Variants in LDHAL6A observed in about 807,000 individuals in gnomAD.
LDHAL6A encodes the protein L-lactate dehydrogenase A-like 6A.
In LDHAL6A, 19 loss-of-function variants were observed where a neutral mutation model predicts 28.2. That is an observed-to-expected ratio of 0.67 (90% CI 0.47 to 0.99). The LOEUF is 0.99. Ranked by LOEUF, LDHAL6A falls within the 50% of genes least tolerant of loss-of-function variation. LDHAL6A has a pLI of 0.00. For synonymous variants in LDHAL6A, 144 were observed against 134.4 expected (o/e 1.07, Z -0.49); for missense variants, 372 against 398.6 (o/e 0.93, Z 0.57).
At chr11:18,463,548 G>T (rs983037394) in intron 1 of LDHAL6A, among the ~76,000 whole-genome samples, 6 of 152,182 alleles carry the variant, frequency 3.9e-5, no homozygotes. Context: ...GAGCTCCTCT[G>T]TGCCAGGTGG....
chr11:18,465,575 A>G, intron 2 of LDHAL6A, 62 bp from the exon 3 acceptor site: 1 of 1,378,678 alleles, frequency 7.3e-7, no homozygotes, highest in South Asian at 1.3e-5. Flanking sequence ...GTGAACAGGA[A>G]GTATACTTAA....
chr11:18,475,240 C>A (rs985297409), intron 3 of LDHAL6A: 43 of 413,702 alleles, frequency 1.0e-4, no homozygotes, highest in African/African-American at 6.1e-4. Flanking sequence ...AGTGAACATT[C>A]TGTGTTTCTG....
Position 18,460,039 on chromosome 11 carries a change from T to A in LDHAL6A, c.126+3233T>A, listed in dbSNP as rs563977623. ...TTGATGTTGACCTCAGTTACCTGGC[T>A]GCTTGTAATGCAGCTTAGACTTCTA... On this transcript the variant is annotated intron_variant, in intron 1 of 6. Transcript: ENST00000280706. Among the ~76,000 whole-genome samples, 277 of 152,350 alleles carry A rather than the reference T, an allele frequency of 1.8e-3. 1 individual carries two copies. Among genetic ancestry groups the A allele is most frequent in the African/African-American group, 6.4e-3 (268 of 41,588 alleles).
intron 2 of LDHAL6A, among the ~76,000 whole-genome samples, chr11:18,464,987 G>GTTTTTTTTTTT (rs1449560278): frequency 4.8e-5 from 5 of 104,352 alleles, no homozygotes; most frequent in South Asian, 6.2e-4. Context: ...GTTTTTTTTT[G>GTTTTTTTTTTT]TTTTGTTTTG....
rs1376526205 is a variant in LDHAL6A, at chr11:18,467,945, A to G, written c.418+2135A>G. Among the ~76,000 whole-genome samples, 3 of 38,532 alleles carry G rather than the reference A, an allele frequency of 7.8e-5. 1 individual carries two copies. Among genetic ancestry groups the G allele is most frequent in the Admixed American group, 7.0e-4 (2 of 2,844 alleles). 25.3% of individuals were successfully genotyped at this position (38,532 alleles called of 152,430 possible). On this transcript the variant is annotated intron_variant, in intron 3 of 6. Transcript: ENST00000280706. ...CACACACATATATATATACACACAC[A>G]TATATATATACGTATATATATACGT... is the stretch of plus-strand genomic sequence containing the variant.
At chr11:18,464,107 A>G (rs1434882686) in intron 2 of LDHAL6A, 29 bp downstream of exon 2, 2 of 1,340,030 alleles carry the variant, frequency 1.5e-6, no homozygotes. Context: ...TACTATAAAT[A>G]TTCTAATATA....
At chr11:18,470,129 A>G (rs1312816960) in intron 3 of LDHAL6A, among the ~76,000 whole-genome samples, 1 of 152,200 alleles carries the variant, frequency 6.6e-6, no homozygotes, top group African/African-American at 2.4e-5. Context: ...GGGTTTTACC[A>G]TGTTAGGCTG....
chr11:18,477,469 AAAG>A, intron 5 of LDHAL6A, 148 bp from the exon 6 acceptor site: 1 of 665,614 alleles, frequency 1.5e-6, no homozygotes. Flanking sequence ...AAAAAAGAAG[AAAG>A]AAAAAATGCA....
intron 1 of LDHAL6A, among the ~76,000 whole-genome samples, chr11:18,457,663 A>C (rs1203993000): frequency 1.3e-5 from 2 of 152,090 alleles, no homozygotes; most frequent in African/African-American, 4.8e-5. Context: ...CAGTGTCCTC[A>C]CTGCTAATGA....
intron 2 of LDHAL6A, among the ~76,000 whole-genome samples, chr11:18,464,997 G>GTTTTTTTTTTTTTTTT (rs1297634223): frequency 1.6e-5 from 2 of 122,936 alleles, no homozygotes; most frequent in African/African-American, 3.2e-5. Flanking sequence ...GTTTTGTTTT[G>GTTTTTTTTTTTTTTTT]TTTTGGTTTG....
rs1849054410 is a variant in LDHAL6A at position 18,465,738 on chromosome 11, A to G, written c.346A>G (p.Ile116Val). Reference protein sequence around the residue: ...RLDLVQRNVSIFKLMIPNITQ... With the variant: ...RLDLVQRNVSVFKLMIPNITQ... ...TGATTTAGTCCAGCGAAATGTATCC[A>G]TCTTTAAATTAATGATTCCCAATAT... The change falls in exon 3 of 7, where the codon ATC (isoleucine) becomes GTC (valine). Residue 116 changes from isoleucine to valine, a missense_variant. Physicochemically the swap from Ile to Val is conservative, Grantham distance 29. Coordinates refer to ENST00000280706, the MANE Select transcript of LDHAL6A (RefSeq NM_144972.5). 2 of 1,613,710 alleles carry G rather than the reference A, an allele frequency of 1.2e-6. No individual in the cohort carries two copies. Among genetic ancestry groups the G allele is most frequent in the Non-Finnish European group, 8.5e-7 (1 of 1,179,686 alleles).
chr11:18,456,817 T>A lies in LDHAL6A; in HGVS notation c.126+11T>A. 1 of 1,611,002 alleles carries A rather than the reference T, an allele frequency of 6.2e-7. No homozygotes were observed. The highest frequency in any genetic ancestry group is 1.3e-5 in the African/African-American group (1 of 74,832). ...AGCATCTTATTAAAAGTAAGTTGTG[T>A]GCTCTGCACCACAGGGTTCACCTCA... On this transcript the variant is annotated intron_variant, in intron 1 of 6. Transcript: ENST00000280706.
At chr11:18,468,077 A>T (rs1404313209) in intron 3 of LDHAL6A, among the ~76,000 whole-genome samples, 1 of 127,448 alleles carries the variant, frequency 7.8e-6, no homozygotes, top group East Asian at 2.3e-4. Context: ...ATATATATAT[A>T]TTTTGCTTGT....
intron 3 of LDHAL6A, among the ~76,000 whole-genome samples, chr11:18,467,976 T>C (rs1305370295): frequency 6.8e-5 from 3 of 43,856 alleles, no homozygotes; most frequent in African/African-American, 3.4e-4. Flanking sequence ...TACGTATATA[T>C]ATACGTATAT....
chr11:18,474,285 AC>A lies in LDHAL6A; in HGVS notation c.419-1179del, dbSNP rs758888216. 3.3e-5 allele frequency among the ~76,000 whole-genome samples: 5 copies of A among 149,578 alleles called. No individual in the cohort carries two copies. The East Asian group carries it at 9.9e-4, about 30-fold the overall frequency. On this transcript the variant is annotated intron_variant, in intron 3 of 6. Coordinates refer to ENST00000280706, the MANE Select transcript of LDHAL6A (RefSeq NM_144972.5). The stretch of plus-strand genomic sequence containing the variant: ...GTAGAGATGGGGTTTCACCATGTTG[AC>A]CAGGCTGGTCTTAAACTCCTGACCT...
At chr11:18,474,031 C>T (rs1205025167) in intron 3 of LDHAL6A, among the ~76,000 whole-genome samples, 1 of 152,012 alleles carries the variant, frequency 6.6e-6, no homozygotes, top group Admixed American at 6.6e-5. Flanking sequence ...GATATTGAAC[C>T]ACCTTTGCAT....
At chr11:18,477,333 C>A (rs890428652) in intron 5 of LDHAL6A, among the ~76,000 whole-genome samples, 1 of 152,006 alleles carries the variant, frequency 6.6e-6, no homozygotes, top group South Asian at 2.1e-4. Context: ...GTGGCGCATG[C>A]TTGTAATCCC....
chr11:18,466,572 T>C (rs1439559777), intron 3 of LDHAL6A, among the ~76,000 whole-genome samples: 1 of 149,164 alleles, frequency 6.7e-6, no homozygotes, highest in African/African-American at 2.5e-5. Context: ...GAGGATTGCT[T>C]CAGCCAGGGA....
At chr11:18,465,606 TA>T in intron 2 of LDHAL6A, 30 bp from the exon 3 acceptor site, 2 of 1,581,298 alleles carry the variant, frequency 1.3e-6, no homozygotes, top group East Asian at 2.2e-5. Flanking sequence ...TTTTCTTTCA[TA>T]ATCGATTGTT....
Sources: allele counts gnomAD v4.1 joint callset (sites outside exome capture counted in the v4.1 genomes callset), GRCh38; gene constraint gnomAD v4.1.1; transcripts MANE v1.5; gene names NCBI Gene and HGNC (gene_info 2026-07-23, HGNC 2026-07-21).